Variants in SMARCC1 observed in about 807,000 individuals in gnomAD.
SMARCC1 encodes the protein SWI/SNF related BAF chromatin remodeling complex subunit C1, also known as SWI/SNF complex subunit SMARCC1.
Under a neutral mutation model 147.4 loss-of-function variants are expected in SMARCC1, and 43 were observed. That is an observed-to-expected ratio of 0.29 (90% CI 0.23 to 0.38). The LOEUF is 0.38. Ranked by LOEUF, SMARCC1 falls within the 10% of genes least tolerant of loss-of-function variation. The probability of loss-of-function intolerance (pLI) is 1.00; values close to 1 mark genes in which losing one functional copy is unlikely to be tolerated. For missense variants in SMARCC1, 1,119 were observed against 1,381.1 expected (o/e 0.81, Z 3.01); for synonymous variants, 495 against 484.4 (o/e 1.02, Z -0.29).
rs1576416522 is a variant in SMARCC1 at position 47,703,532 on chromosome 3, A to G, written c.1041-2130T>C. 2.0e-5 allele frequency among the ~76,000 whole-genome samples: 3 copies of G among 152,336 alleles called. No homozygotes were observed. In the East Asian group the frequency reaches 5.8e-4, roughly 29 times the overall value. ...AATAAATAAAATAATAAAGAAAGAC[A>G]ATGCTTCAGGATGTAGAATAATGGC... On this transcript the variant is annotated intron_variant, in intron 10 of 27. Coordinates refer to ENST00000254480, the MANE Select transcript of SMARCC1 (RefSeq NM_003074.4).
At chr3:47,674,624 A>G (rs1024891699) in intron 18 of SMARCC1, among the ~76,000 whole-genome samples, 2 of 152,030 alleles carry the variant, frequency 1.3e-5, no homozygotes, top group African/African-American at 2.4e-5. Flanking sequence ...TCTTCTCTCT[A>G]TATAAATTTG....
At chr3:47,708,915 C>G (rs2034050441) in intron 9 of SMARCC1, among the ~76,000 whole-genome samples, 1 of 152,160 alleles carries the variant, frequency 6.6e-6, no homozygotes, top group African/African-American at 2.4e-5. Context: ...GCTGGGATTA[C>G]AGGTGTGAGC....
At chr3:47,602,390 T>C (rs1011841991) in intron 26 of SMARCC1, among the ~76,000 whole-genome samples, 2 of 152,192 alleles carry the variant, frequency 1.3e-5, no homozygotes, top group Non-Finnish European at 1.5e-5. Context: ...CTTGACCTCC[T>C]GGGATCAAGT....
At chr3:47,701,678 G>A in intron 10 of SMARCC1, 1 of 338,210 alleles carries the variant, frequency 3.0e-6, no homozygotes, top group South Asian at 2.9e-5. Context: ...GCCGGGCATG[G>A]TGGCAGGCGC....
At chr3:47,731,378 C>A (rs575207090) in intron 5 of SMARCC1, among the ~76,000 whole-genome samples, 1 of 152,170 alleles carries the variant, frequency 6.6e-6, no homozygotes, top group Admixed American at 6.6e-5. Context: ...AAGTCTTTAA[C>A]CCCTCAAAGT....
At position 47,588,405 on chromosome 3, in the gene SMARCC1, A is replaced by G; in HGVS notation, c.3221-99T>C. 3.6e-6 allele frequency: 4 copies of G among 1,100,648 alleles called. No individual in the cohort carries two copies. In the South Asian group the frequency reaches 5.5e-5, roughly 15 times the overall value. 68.2% of individuals were successfully genotyped at this position (1,100,648 alleles called of 1,614,324 possible). On this transcript the variant is annotated intron_variant, in intron 27 of 27. Transcript: ENST00000254480. ...AAAAAGACACAGAAGTCCTTTCCTT[A>G]GTGGCAGGCAACCAATGCACCCTGT... is the stretch of plus-strand genomic sequence containing the variant.
At chr3:47,659,836 A>T (rs775936923) in intron 21 of SMARCC1, among the ~76,000 whole-genome samples, 15 of 150,958 alleles carry the variant, frequency 9.9e-5, no homozygotes, top group African/African-American at 1.7e-4. Context: ...ATGATATTCA[A>T]GATGATTAGT....
At chr3:47,666,462 A>ATG (rs56097772) in intron 19 of SMARCC1, among the ~76,000 whole-genome samples, 1 of 23,728 alleles carries the variant, frequency 4.2e-5, no homozygotes, top group Non-Finnish European at 1.4e-4. Flanking sequence ...AGTGTCTGTC[A>ATG]GTGTCCAAAA....
chr3:47,671,196 A>ACAACAAC (rs1553681998), intron 18 of SMARCC1, among the ~76,000 whole-genome samples: 873 of 81,258 alleles, frequency 0.011, 44 homozygotes, highest in African/African-American at 0.032. Flanking sequence ...AAAAAAAAAA[A>ACAACAAC]AACACACACA....
At chr3:47,730,343 C>T (rs1370429860) in intron 5 of SMARCC1, among the ~76,000 whole-genome samples, 1 of 151,962 alleles carries the variant, frequency 6.6e-6, no homozygotes, top group African/African-American at 2.4e-5. Context: ...GAAATTAGCC[C>T]GGCACTTTTG....
intron 11 of SMARCC1, 87 bp from the exon 12 acceptor site, chr3:47,693,387 G>A (rs935840083): frequency 2.4e-5 from 18 of 744,884 alleles, no homozygotes; most frequent in African/African-American, 1.0e-4. Flanking sequence ...ATGATTAAAC[G>A]ACATGCATCT....
intron 27 of SMARCC1, among the ~76,000 whole-genome samples, chr3:47,589,693 T>C (rs566474413): frequency 1.2e-4 from 19 of 152,204 alleles, no homozygotes; most frequent in South Asian, 4.1e-4. Context: ...CATGTCTCTG[T>C]CCATGAAGCC....
intron 2 of SMARCC1, among the ~76,000 whole-genome samples, chr3:47,755,333 TA>T (rs200474738): frequency 1.4e-5 from 2 of 146,840 alleles, no homozygotes; most frequent in Non-Finnish European, 1.5e-5. Flanking sequence ...AAACCCTGTC[TA>T]AAAAAAAATA....
chr3:47,694,485 A>AG (rs1203153136), intron 11 of SMARCC1, among the ~76,000 whole-genome samples: 1 of 152,178 alleles, frequency 6.6e-6, no homozygotes, highest in Non-Finnish European at 1.5e-5. Context: ...GTGTAATCCC[A>AG]GCTGCTCGGG....
At chr3:47,693,396 C>T (rs2033813328) in intron 11 of SMARCC1, 96 bp from the exon 12 acceptor site, 2 of 696,536 alleles carry the variant, frequency 2.9e-6, no homozygotes, top group Non-Finnish European at 5.1e-6. Flanking sequence ...CGACATGCAT[C>T]TCACTACAAC....
chr3:47,718,948 T>C (rs1341802245), intron 7 of SMARCC1, among the ~76,000 whole-genome samples: 1 of 152,174 alleles, frequency 6.6e-6, no homozygotes, highest in Admixed American at 6.5e-5. Context: ...ATGGAGTCTC[T>C]GTCACCCAGG....
At chr3:47,735,311 A>G (rs1162225071) in intron 5 of SMARCC1, among the ~76,000 whole-genome samples, 1 of 152,192 alleles carries the variant, frequency 6.6e-6, no homozygotes, top group Non-Finnish European at 1.5e-5. Flanking sequence ...ACTCTAGGCT[A>G]AAAGCTAAAG....
At chr3:47,590,626 CCT>C in intron 27 of SMARCC1, 33 bp downstream of exon 27, 1 of 1,478,532 alleles carries the variant, frequency 6.8e-7, no homozygotes, top group East Asian at 2.5e-5. Context: ...CAGAACGGAC[CCT>C]GAGATAATGC....
intron 1 of SMARCC1, 89 bp downstream of exon 1, chr3:47,781,514 G>T (rs925268886): frequency 2.2e-6 from 2 of 907,730 alleles, no homozygotes; most frequent in Non-Finnish European, 1.5e-6. Context: ...GCGTGCGGGG[G>T]GGAGGGGCGG....
Sources: allele counts gnomAD v4.1 joint callset (sites outside exome capture counted in the v4.1 genomes callset), GRCh38; gene constraint gnomAD v4.1.1; transcripts MANE v1.5; gene names NCBI Gene and HGNC (gene_info 2026-07-23, HGNC 2026-07-21).